Variants in MEI4 observed in about 807,000 individuals in gnomAD.
The protein encoded by MEI4 is meiosis-specific protein MEI4.
A neutral mutation model predicts 31.4 loss-of-function variants in MEI4; 27 were observed. The observed-to-expected ratio is 0.86, with a 90% CI of 0.63 to 1.19. The LOEUF (loss-of-function observed/expected upper bound fraction) is 1.19, where lower values mean the gene tolerates loss of function less well. Ranked by LOEUF, MEI4 falls within the 50% of genes most tolerant of loss-of-function variation. The pLI is 0.00. For missense variants in MEI4, 329 were observed against 398.9 expected, an observed-to-expected ratio of 0.82 and a Z score of 1.49; for synonymous variants, 122 against 145.4, an observed-to-expected ratio of 0.84 and a Z score of 1.16.
At chr6:77,791,457 C>A (rs549168313) in intron 3 of MEI4, among the ~76,000 whole-genome samples, 1 of 144,358 alleles carries the variant, frequency 6.9e-6, no homozygotes, top group African/African-American at 2.6e-5. Flanking sequence ...TGCATATTCT[C>A]ACTCATAGGT....
intron 2 of MEI4, among the ~76,000 whole-genome samples, chr6:77,694,231 GTTTCTT>G (rs1189978319): frequency 2.1e-4 from 31 of 151,218 alleles, no homozygotes; most frequent in African/African-American, 6.5e-4. Flanking sequence ...GGGCAGCCGC[GTTTCTT>G]TTTCTTTTTA....
intron 3 of MEI4, among the ~76,000 whole-genome samples, chr6:77,803,325 G>T (rs985256166): frequency 1.3e-5 from 2 of 152,038 alleles, no homozygotes; most frequent in Non-Finnish European, 2.9e-5. Context: ...AGCTCCATCA[G>T]GTCCTTTAAG....
At chr6:77,752,514 A>T (rs923697015) in intron 2 of MEI4, among the ~76,000 whole-genome samples, 1 of 152,194 alleles carries the variant, frequency 6.6e-6, no homozygotes, top group Non-Finnish European at 1.5e-5. Flanking sequence ...CACAATTGCT[A>T]CTAAGAGAAT....
intron 3 of MEI4, among the ~76,000 whole-genome samples, chr6:77,777,155 AAACATATGGAG>A (rs1299966743): frequency 6.6e-6 from 1 of 152,204 alleles, no homozygotes; most frequent in Non-Finnish European, 1.5e-5. Context: ...AAAAAGGCAC[AAACATATGGAG>A]AACATGAGAC....
intron 3 of MEI4, among the ~76,000 whole-genome samples, chr6:77,788,945 A>C (rs939818929): frequency 2.0e-5 from 3 of 152,184 alleles, no homozygotes; most frequent in Non-Finnish European, 4.4e-5. Context: ...CCTATTGCCA[A>C]GTAAATCCTA....
At chr6:77,876,860 A>G (rs911937551) in intron 4 of MEI4, among the ~76,000 whole-genome samples, 2 of 152,166 alleles carry the variant, frequency 1.3e-5, no homozygotes, top group African/African-American at 4.8e-5. Flanking sequence ...CTCAGGCAGT[A>G]CCTCTCAAAT....
intron 1 of MEI4, among the ~76,000 whole-genome samples, chr6:77,669,260 T>C (rs1210315687): frequency 6.6e-6 from 1 of 152,124 alleles, no homozygotes; most frequent in Non-Finnish European, 1.5e-5. Flanking sequence ...TACACTTGAG[T>C]TCTTGCACAC....
chr6:77,690,371 A>G (rs1311018740), intron 1 of MEI4, among the ~76,000 whole-genome samples: 4 of 152,016 alleles, frequency 2.6e-5, no homozygotes, highest in Admixed American at 2.6e-4. Context: ...CTCTGGTTAG[A>G]AACAACTAAA....
At chr6:77,703,514 A>G (rs1332447847) in intron 2 of MEI4, among the ~76,000 whole-genome samples, 1 of 152,148 alleles carries the variant, frequency 6.6e-6, no homozygotes, top group Non-Finnish European at 1.5e-5. Context: ...GAATAGCTTA[A>G]TGCTATAACA....
intron 3 of MEI4, among the ~76,000 whole-genome samples, chr6:77,827,452 G>C (rs904571073): frequency 6.6e-6 from 1 of 150,772 alleles, no homozygotes; most frequent in Non-Finnish European, 1.5e-5. Flanking sequence ...CACCTCAGCT[G>C]CTATCTGTAG....
chr6:77,903,152 C>CT (rs1324286989), intron 4 of MEI4, among the ~76,000 whole-genome samples: 5 of 151,438 alleles, frequency 3.3e-5, no homozygotes, highest in Non-Finnish European at 7.4e-5. Context: ...TTTTTTCTTT[C>CT]TTTTTTTTCT....
At chr6:77,804,181 C>G (rs1769363216) in intron 3 of MEI4, among the ~76,000 whole-genome samples, 1 of 152,146 alleles carries the variant, frequency 6.6e-6, no homozygotes, top group African/African-American at 2.4e-5. Flanking sequence ...GCGGACGCCC[C>G]TCCCCCAGCC....
intron 4 of MEI4, among the ~76,000 whole-genome samples, chr6:77,876,017 A>G (rs1199754956): frequency 6.6e-6 from 1 of 152,198 alleles, no homozygotes; most frequent in Admixed American, 6.5e-5. Flanking sequence ...ACACCAGCAG[A>G]TAGTGGAATT....
At chr6:77,861,634 C>T (rs920607511) in intron 4 of MEI4, among the ~76,000 whole-genome samples, 2 of 152,146 alleles carry the variant, frequency 1.3e-5, no homozygotes, top group African/African-American at 4.8e-5. Context: ...CTCTGAAAGG[C>T]CACATGTATA....
intron 4 of MEI4, among the ~76,000 whole-genome samples, chr6:77,854,482 C>T (rs1390188594): frequency 1.3e-5 from 2 of 148,614 alleles, no homozygotes; most frequent in African/African-American, 5.0e-5. Flanking sequence ...GTACTATGTA[C>T]ATCTTTTTTA....
At chr6:77,802,132 T>C (rs192419567) in intron 3 of MEI4, among the ~76,000 whole-genome samples, 3 of 152,326 alleles carry the variant, frequency 2.0e-5, no homozygotes, top group Admixed American at 2.0e-4. Context: ...TCTAAGGATG[T>C]GCTTTATGAA....
chr6:77,803,789 T>G (rs1169582629), intron 3 of MEI4, among the ~76,000 whole-genome samples: 1 of 152,104 alleles, frequency 6.6e-6, no homozygotes, highest in Non-Finnish European at 1.5e-5. Context: ...GAACAGCGGA[T>G]ATTGGTGAAC....
chr6:77,696,352 A>C (rs1005782146), intron 2 of MEI4, among the ~76,000 whole-genome samples: 56 of 152,178 alleles, frequency 3.7e-4, no homozygotes, highest in Non-Finnish European at 6.8e-4. Flanking sequence ...CAGTTTTCAA[A>C]GGGAATGCTT....
In MEI4 at chr6:77,842,806, A is replaced by G. The variant is rs1770397160; in HGVS notation, c.900+13744A>G. Among the ~76,000 whole-genome samples the G allele has an allele frequency of 2.0e-5, 3 of 152,122 alleles. No homozygotes were observed. The South Asian group carries it at 6.2e-4, about 31-fold the overall frequency. ...GGACTACTATAAACATCTGTAGTCC[A>G]TAAATACAACAAATTAGATGAAAAG... On this transcript the variant is annotated intron_variant, in intron 4 of 4. Transcript: ENST00000684080.
Sources: allele counts gnomAD v4.1 joint callset (sites outside exome capture counted in the v4.1 genomes callset), GRCh38; gene constraint gnomAD v4.1.1; transcripts MANE v1.5; gene names NCBI Gene and HGNC (gene_info 2026-07-23, HGNC 2026-07-21).